Variants in BBS4 observed in about 807,000 individuals in gnomAD.
BBS4 encodes Bardet-Biedl syndrome 4.
Under a neutral mutation model 71.4 loss-of-function variants are expected in BBS4, and 58 were observed. That is an observed-to-expected ratio of 0.81 (90% CI 0.66 to 1.01). BBS4 has a LOEUF of 1.01. BBS4 is among the 50% of genes least tolerant of loss of function. BBS4 has a pLI of 0.00. For synonymous variants in BBS4, 228 were observed against 216.8 expected (o/e 1.05, Z -0.46); for missense variants, 660 against 607.9 (o/e 1.09, Z -0.90).
chr15:72,694,877 G>T (rs1373774999), intron 1 of BBS4, among the ~76,000 whole-genome samples: 5 of 152,064 alleles, frequency 3.3e-5, no homozygotes, highest in South Asian at 2.1e-4. Flanking sequence ...CTCATATGAG[G>T]TGTTTAAGAA....
chr15:72,722,676 C>G, intron 6 of BBS4, 118 bp from the exon 7 acceptor site: 1 of 855,082 alleles, frequency 1.2e-6, no homozygotes, highest in Non-Finnish European at 2.0e-6. Flanking sequence ...GACTGTAATG[C>G]ATAGTTTAAA....
At chr15:72,736,240 T>C (rs1329538592) in intron 14 of BBS4, among the ~76,000 whole-genome samples, 2 of 81,212 alleles carry the variant, frequency 2.5e-5, no homozygotes, top group South Asian at 4.3e-4. Context: ...CTATTTCACT[T>C]TTTTTTTTTT....
intron 4 of BBS4, 139 bp downstream of exon 4, chr15:72,712,446 T>G: frequency 1.2e-6 from 1 of 831,728 alleles, no homozygotes; most frequent in Middle Eastern, 3.0e-4. Flanking sequence ...AAGAAATGTG[T>G]TGTTAGGCAA....
At chr15:72,704,396 A>G (rs753284069) in intron 2 of BBS4, 4 of 1,250,884 alleles carry the variant, frequency 3.2e-6, no homozygotes, top group East Asian at 1.1e-4. Flanking sequence ...CTGTGAAAGC[A>G]TATAAGAACC....
intron 9 of BBS4, among the ~76,000 whole-genome samples, chr15:72,728,613 G>C (rs1347513419): frequency 6.6e-6 from 1 of 152,180 alleles, no homozygotes; most frequent in Non-Finnish European, 1.5e-5. Flanking sequence ...TGAGCACTTA[G>C]GGCTTTGGGG....
chr15:72,706,945 C>T (rs987897661), intron 2 of BBS4, among the ~76,000 whole-genome samples: 7 of 151,934 alleles, frequency 4.6e-5, no homozygotes, highest in East Asian at 3.9e-4. Context: ...CCTCCCAAAG[C>T]GCTGGGATTA....
chr15:72,731,423 G>T lies in BBS4; in HGVS notation c.830G>T (p.Gly277Val), dbSNP rs749017489. ...PESPPLWNNI[G>V]MCFFGKKKYV... The stretch of plus-strand genomic sequence containing the variant: ...AGTCCTCCACTCTGGAATAACATTG[G>T]AATGTGTTTCTTTGGCAAGAAGAAA... The change falls in exon 11 of 16, where the codon GGA (glycine) becomes GTA (valine). Residue 277 changes from glycine to valine, a missense_variant. Coordinates refer to ENST00000268057, the MANE Select transcript of BBS4 (RefSeq NM_033028.5). 2 of 1,614,170 alleles carry T rather than the reference G, an allele frequency of 1.2e-6. No individual in the cohort carries two copies. Among genetic ancestry groups the T allele is most frequent in the Admixed American group, 1.7e-5 (1 of 60,024 alleles).
intron 6 of BBS4, among the ~76,000 whole-genome samples, chr15:72,720,486 CAAAAAAAA>C (rs60677539): frequency 1.6e-5 from 2 of 121,418 alleles, no homozygotes. Flanking sequence ...GACCCTGTCT[CAAAAAAAA>C]AAAAAAAAAA....
chr15:72,700,384 G>A (rs1595911771), intron 2 of BBS4, among the ~76,000 whole-genome samples: 1 of 152,192 alleles, frequency 6.6e-6, no homozygotes, highest in Admixed American at 6.5e-5. Context: ...TTCCAAAGTG[G>A]TTGTACAGTT....
chr15:72,688,153 C>T (rs532381153), intron 1 of BBS4, among the ~76,000 whole-genome samples: 1 of 151,330 alleles, frequency 6.6e-6, no homozygotes, highest in South Asian at 2.1e-4. Flanking sequence ...CTCTAGTGCT[C>T]ATCACAAGTG....
intron 1 of BBS4, chr15:72,686,802 A>G (rs1030033384): frequency 5.7e-6 from 2 of 352,368 alleles, no homozygotes; most frequent in Non-Finnish European, 5.6e-6. Flanking sequence ...CCTAGTCGCT[A>G]TTTTTTGAGG....
chr15:72,718,673 G>A (rs991242003), intron 6 of BBS4, among the ~76,000 whole-genome samples: 4 of 152,052 alleles, frequency 2.6e-5, no homozygotes, highest in Non-Finnish European at 5.9e-5. Context: ...TCATTCAGTC[G>A]GTTTTTCAAA....
intron 14 of BBS4, among the ~76,000 whole-genome samples, chr15:72,736,238 C>CTTTTTT (rs35502034): frequency 1.8e-5 from 2 of 113,468 alleles, no homozygotes; most frequent in Non-Finnish European, 3.5e-5. Flanking sequence ...TTCTATTTCA[C>CTTTTTT]TTTTTTTTTT....
intron 2 of BBS4, chr15:72,704,596 C>T (rs1396723143): frequency 7.7e-6 from 4 of 518,990 alleles, no homozygotes; most frequent in South Asian, 7.2e-5. Context: ...ATAACAGCAA[C>T]AGGCCCAGCA....
At chr15:72,724,437 A>G (rs2065630395) in intron 7 of BBS4, 91 bp from the exon 8 acceptor site, 5 of 1,573,468 alleles carry the variant, frequency 3.2e-6, no homozygotes, top group Non-Finnish European at 4.4e-6. Context: ...CTATGTCAAT[A>G]CAGCAGAAAG....
intron 8 of BBS4, among the ~76,000 whole-genome samples, chr15:72,724,885 A>G (rs910244764): frequency 1.3e-5 from 2 of 152,098 alleles, no homozygotes; most frequent in African/African-American, 2.4e-5. Flanking sequence ...CTATTCTACA[A>G]GGTCAGCCAG....
At chr15:72,727,279 C>T (rs2065721363) in intron 8 of BBS4, among the ~76,000 whole-genome samples, 1 of 152,288 alleles carries the variant, frequency 6.6e-6, no homozygotes. Flanking sequence ...ATGGTCAGAT[C>T]ATCTCAACTC....
intron 9 of BBS4, 28 bp from the exon 10 acceptor site, chr15:72,729,587 TA>T: frequency 6.2e-7 from 1 of 1,611,446 alleles, no homozygotes; most frequent in East Asian, 2.2e-5. Flanking sequence ...CTTGCTGATG[TA>T]AATTGTCTTG....
rs2065332912 is a variant in BBS4 at position 72,709,789 on chromosome 15, T to G, written c.156+10T>G. 1 of 1,608,352 alleles carries G rather than the reference T, an allele frequency of 6.2e-7. No individual in the cohort carries two copies. The highest frequency in any genetic ancestry group is 1.3e-5 in the African/African-American group (1 of 74,920). Reference sequence around the variant, plus strand: ...TTATGAAGCCTGCAAGGTAAGAGATTGCCATAATAATAAAAATGAGAGGCA... The same window carrying G: ...TTATGAAGCCTGCAAGGTAAGAGATGGCCATAATAATAAAAATGAGAGGCA... On this transcript the variant is annotated intron_variant, in intron 3 of 15. Coordinates refer to ENST00000268057, the MANE Select transcript of BBS4 (RefSeq NM_033028.5).
Sources: gnomAD v4.1 joint callset for allele counts (sites outside exome capture counted in the v4.1 genomes callset) on GRCh38, gnomAD v4.1.1 for gene constraint, MANE v1.5 for transcripts, NCBI Gene and HGNC (gene_info 2026-07-23, HGNC 2026-07-21) for gene names.